FAM107B: variants seen among roughly 807,000 people sequenced by gnomAD.
FAM107B encodes the protein family with sequence similarity 107 member B.
In FAM107B, 21 loss-of-function variants were observed where a neutral mutation model predicts 31.5. The ratio of observed to expected loss-of-function variants is 0.67; its 90% CI spans 0.47 to 0.96. The LOEUF (loss-of-function observed/expected upper bound fraction) is 0.96. FAM107B is among the 40% of genes least tolerant of loss of function. FAM107B has a pLI of 0.00. For synonymous variants in FAM107B, 157 were observed against 141.5 expected, an observed-to-expected ratio of 1.11 and a Z score of -0.78; for missense variants, 452 against 377.1, an observed-to-expected ratio of 1.20 and a Z score of -1.64.
intron 2 of FAM107B, among the ~76,000 whole-genome samples, chr10:14,553,010 T>G (rs535431614): frequency 2.6e-5 from 4 of 152,216 alleles, no homozygotes; most frequent in East Asian, 1.9e-4. Context: ...CCAACAGCAA[T>G]GTACATTGGA....
intron 2 of FAM107B, among the ~76,000 whole-genome samples, chr10:14,626,384 G>A (rs1365321616): frequency 6.6e-6 from 1 of 152,070 alleles, no homozygotes; most frequent in Admixed American, 6.6e-5. Context: ...TTGGAATTTA[G>A]GTGCAAAAGA....
chr10:14,592,729 C>T (rs1374451378), intron 2 of FAM107B, among the ~76,000 whole-genome samples: 2 of 152,196 alleles, frequency 1.3e-5, no homozygotes, highest in Non-Finnish European at 2.9e-5. Context: ...CAGTCAGAAG[C>T]GATTCTGGAA....
At chr10:14,717,301 A>G (rs1400417819) in intron 1 of FAM107B, among the ~76,000 whole-genome samples, 1 of 152,110 alleles carries the variant, frequency 6.6e-6, no homozygotes. Flanking sequence ...GACAGAACCA[A>G]TCAGATCGGT....
chr10:14,717,513 A>C (rs1443519341), intron 1 of FAM107B, among the ~76,000 whole-genome samples: 1 of 152,214 alleles, frequency 6.6e-6, no homozygotes, highest in Non-Finnish European at 1.5e-5. Flanking sequence ...CAAGACCCAG[A>C]GTCCAAAGGC....
intron 1 of FAM107B, among the ~76,000 whole-genome samples, chr10:14,751,229 A>G (rs1189039688): frequency 6.6e-6 from 1 of 152,248 alleles, no homozygotes; most frequent in South Asian, 2.1e-4. Flanking sequence ...GAGGATGCAC[A>G]CATGGGTTTC....
At chr10:14,760,688 T>C (rs1833025373) in intron 1 of FAM107B, among the ~76,000 whole-genome samples, 1 of 148,018 alleles carries the variant, frequency 6.8e-6, no homozygotes, top group Non-Finnish European at 1.5e-5. Flanking sequence ...GTTTTTAGTT[T>C]ATCTGATTTA....
At chr10:14,689,852 A>G (rs1855085039) in intron 1 of FAM107B, among the ~76,000 whole-genome samples, 1 of 151,508 alleles carries the variant, frequency 6.6e-6, no homozygotes, top group Non-Finnish European at 1.5e-5. Context: ...AATCCCAGCT[A>G]CTCTGGAAGC....
rs774786735 is a variant in FAM107B at position 14,573,576 on chromosome 10, CAA to C, written c.470-43063_470-43062del. Among the ~76,000 whole-genome samples, 82 of 122,030 alleles carry C rather than the reference CAA, an allele frequency of 6.7e-4. 1 individual carries two copies. The highest frequency in any genetic ancestry group is 1.7e-3 in the African/African-American group (53 of 30,916). 80.1% of individuals were successfully genotyped at this position (122,030 alleles called of 152,430 possible). A position where few individuals can be genotyped will look rare whatever the true frequency, so the allele number is the denominator to read the frequency against. On this transcript the variant is annotated intron_variant, in intron 2 of 4. Coordinates refer to ENST00000181796, the MANE Select transcript of FAM107B (RefSeq NM_031453.4). ...TGAAACCCCATCTCTATTAAAAATA[CAA>C]AAAAAAAAAAAAAAAATTAGCAGGA... is the stretch of plus-strand genomic sequence containing the variant.
intron 1 of FAM107B, among the ~76,000 whole-genome samples, chr10:14,689,861 G>T (rs190747890): frequency 6.6e-6 from 1 of 152,224 alleles, no homozygotes; most frequent in East Asian, 1.9e-4. Context: ...TACTCTGGAA[G>T]CTGAGGCAGG....
intron 2 of FAM107B, among the ~76,000 whole-genome samples, chr10:14,597,943 CTG>C (rs1411973888): frequency 1.3e-5 from 2 of 152,108 alleles, no homozygotes; most frequent in African/African-American, 4.8e-5. Context: ...GAGTGAGACT[CTG>C]TCTCAAAAAG....
At chr10:14,743,696 C>G (rs1043448333) in intron 1 of FAM107B, among the ~76,000 whole-genome samples, 2 of 152,158 alleles carry the variant, frequency 1.3e-5, no homozygotes, top group Non-Finnish European at 2.9e-5. Context: ...GATCTCTATT[C>G]TGTTCCATTG....
intron 2 of FAM107B, among the ~76,000 whole-genome samples, chr10:14,656,669 C>A (rs1854065246): frequency 6.6e-6 from 1 of 152,196 alleles, no homozygotes; most frequent in African/African-American, 2.4e-5. Context: ...GTTAATGTCA[C>A]CTTCAGAATT....
At chr10:14,719,962 G>T (rs1011616940) in intron 1 of FAM107B, among the ~76,000 whole-genome samples, 1 of 141,292 alleles carries the variant, frequency 7.1e-6, no homozygotes, top group Non-Finnish European at 1.6e-5. Flanking sequence ...TTCCTCACTG[G>T]GCCCTGACGG....
intron 1 of FAM107B, among the ~76,000 whole-genome samples, chr10:14,760,724 T>C (rs1168566974): frequency 1.3e-5 from 2 of 152,142 alleles, no homozygotes; most frequent in Non-Finnish European, 2.9e-5. Context: ...ATCTTGCACT[T>C]AATGGGTTAC....
chr10:14,771,062 G>C (rs1833291563), intron 1 of FAM107B, among the ~76,000 whole-genome samples: 1 of 151,230 alleles, frequency 6.6e-6, no homozygotes, highest in Non-Finnish European at 1.5e-5. Flanking sequence ...GCATCCAAAA[G>C]GGAAATATTT....
chr10:14,522,661 G>A (rs924874092), intron 3 of FAM107B, among the ~76,000 whole-genome samples: 3 of 151,914 alleles, frequency 2.0e-5, no homozygotes, highest in Non-Finnish European at 4.4e-5. Flanking sequence ...GGATCCACTC[G>A]CCTCGGCCTC....
At chr10:14,704,405 C>T (rs1855474942) in intron 1 of FAM107B, among the ~76,000 whole-genome samples, 1 of 151,938 alleles carries the variant, frequency 6.6e-6, no homozygotes, top group African/African-American at 2.4e-5. Flanking sequence ...AATCCAATAA[C>T]AAACAGTTTC....
At chr10:14,599,613 G>A (rs1334715039) in intron 2 of FAM107B, among the ~76,000 whole-genome samples, 1 of 152,020 alleles carries the variant, frequency 6.6e-6, no homozygotes, top group Non-Finnish European at 1.5e-5. Flanking sequence ...GATCAGCCGG[G>A]GCAACATAGT....
At position 14,518,617 on chromosome 10, in the gene FAM107B, C is replaced by T. The variant is rs2130719353; in HGVS notation, c.*2573G>A. On this transcript the variant is annotated 3_prime_UTR_variant, in exon 5 of 5. Coordinates refer to ENST00000181796, the MANE Select transcript of FAM107B (RefSeq NM_031453.4). ...AATAACTTTGGTTCTAAGAATTCCA[C>T]CCTCAATTCTTTAATACTTTCCGTT... 1 of 152,734 alleles carries T rather than the reference C, an allele frequency of 6.5e-6. No homozygotes were observed. Among genetic ancestry groups the T allele is most frequent in the South Asian group, 2.1e-4 (1 of 4,828 alleles). The allele number at this position is 152,734 out of a possible 1,614,324, so 9.5% of individuals were successfully genotyped here. A position where few individuals can be genotyped will look rare whatever the true frequency, so the allele number is the denominator to read the frequency against.
Sources: allele counts gnomAD v4.1 joint callset (sites outside exome capture counted in the v4.1 genomes callset), GRCh38; gene constraint gnomAD v4.1.1; transcripts MANE v1.5; gene names NCBI Gene and HGNC (gene_info 2026-07-23, HGNC 2026-07-21).